GALNT13: variants seen among roughly 807,000 people sequenced by gnomAD.
GALNT13 encodes the protein polypeptide N-acetylgalactosaminyltransferase 13, also known as UDP-GalNAc:polypeptide N-acetylgalactosaminyltransferase 13.
In GALNT13, 28 loss-of-function variants were observed where a neutral mutation model predicts 64.2. The ratio of observed to expected loss-of-function variants is 0.44; its 90% CI spans 0.32 to 0.60. GALNT13 has a LOEUF of 0.60. Ranked by LOEUF, GALNT13 falls within the 20% of genes least tolerant of loss-of-function variation. The probability of loss-of-function intolerance (pLI) is 0.05; values close to 1 mark genes in which losing one functional copy is unlikely to be tolerated. For missense variants in GALNT13, 577 were observed against 669.8 expected, an observed-to-expected ratio of 0.86 and a Z score of 1.53; for synonymous variants, 214 against 224.6, an observed-to-expected ratio of 0.95 and a Z score of 0.42.
chr2:153,419,591 C>A, the GALNT13 span, among the ~76,000 whole-genome samples: 1 of 152,144 alleles, frequency 6.6e-6, no homozygotes, highest in Non-Finnish European at 1.5e-5. Context: ...TGTGATGGAA[C>A]TGTTTTGTAT....
At chr2:154,068,398 G>A (rs1700575676) in intron 3 of GALNT13, among the ~76,000 whole-genome samples, 1 of 151,966 alleles carries the variant, frequency 6.6e-6, no homozygotes, top group East Asian at 1.9e-4. Flanking sequence ...GTATGTCTAA[G>A]ATATAGACAT....
At chr2:153,630,336 A>G in the GALNT13 span, among the ~76,000 whole-genome samples, 1 of 152,034 alleles carries the variant, frequency 6.6e-6, no homozygotes, top group South Asian at 2.1e-4. Context: ...TGATGAGTTC[A>G]TGTCGTTTGT....
the GALNT13 span, among the ~76,000 whole-genome samples, chr2:153,677,039 A>G: frequency 6.6e-6 from 1 of 152,034 alleles, no homozygotes; most frequent in Non-Finnish European, 1.5e-5. Context: ...AAATCAGGCA[A>G]GATAAAGAAA....
chr2:153,112,395 G>A, the GALNT13 span, among the ~76,000 whole-genome samples: 15 of 151,972 alleles, frequency 9.9e-5, no homozygotes, highest in African/African-American at 3.6e-4. Context: ...TCTAATCTAG[G>A]TTCAGTATTA....
intron 3 of GALNT13, among the ~76,000 whole-genome samples, chr2:153,971,352 C>T (rs1396027045): frequency 4.6e-5 from 7 of 152,112 alleles, no homozygotes; most frequent in African/African-American, 1.7e-4. Context: ...TACTTATTTA[C>T]ATTCTTTCTT....
intron 3 of GALNT13, among the ~76,000 whole-genome samples, chr2:154,085,398 C>T (rs1465269331): frequency 6.6e-6 from 1 of 151,864 alleles, no homozygotes; most frequent in Non-Finnish European, 1.5e-5. Context: ...GTGCAGCTTA[C>T]CTTCACAAAA....
In GALNT13 at chr2:154,242,925, G is replaced by A. The variant is rs989923917; in HGVS notation, c.686+20G>A. The A allele has an allele frequency of 1.3e-6, 2 of 1,596,244 alleles. No individual in the cohort carries two copies. Among genetic ancestry groups the A allele is most frequent in the Non-Finnish European group, 1.7e-6 (2 of 1,164,686 alleles). On this transcript the variant is annotated intron_variant, in intron 6 of 12. Coordinates refer to ENST00000392825, the MANE Select transcript of GALNT13 (RefSeq NM_052917.4). The stretch of plus-strand genomic sequence containing the variant: ...AGACAGGTAAGAATTTATGTGTTCT[G>A]TCTGCCTGGGTTATGACTGAACCTC...
chr2:153,201,357 G>A, the GALNT13 span, among the ~76,000 whole-genome samples: 9 of 152,188 alleles, frequency 5.9e-5, no homozygotes, highest in African/African-American at 1.4e-4. Context: ...GTGTCCAAAA[G>A]TGAGGGCCTA....
chr2:154,145,064 CTCTCTCTCTATCTA>C (rs1220705632), intron 4 of GALNT13, among the ~76,000 whole-genome samples: 1 of 103,034 alleles, frequency 9.7e-6, no homozygotes, highest in African/African-American at 3.7e-5. Context: ...CTCTCTCTCT[CTCTCTCTCTATCTA>C]TCTATCTATC....
intron 2 of GALNT13, among the ~76,000 whole-genome samples, chr2:153,924,902 C>T (rs1690011840): frequency 6.6e-6 from 1 of 150,586 alleles, no homozygotes; most frequent in Admixed American, 6.6e-5. Flanking sequence ...TTTTTGATGC[C>T]ATTGTTTTTG....
chr2:153,417,675 CT>C, the GALNT13 span, among the ~76,000 whole-genome samples: 1 of 152,020 alleles, frequency 6.6e-6, no homozygotes, highest in African/African-American at 2.4e-5. Context: ...ATGAGAAATT[CT>C]TTTAGAGAAT....
At chr2:153,365,815 A>G in the GALNT13 span, among the ~76,000 whole-genome samples, 1 of 152,190 alleles carries the variant, frequency 6.6e-6, no homozygotes, top group Admixed American at 6.5e-5. Context: ...TAGTTCAACC[A>G]TTGTGGAAGA....
the GALNT13 span, among the ~76,000 whole-genome samples, chr2:153,502,249 C>T: frequency 3.3e-5 from 5 of 152,254 alleles, no homozygotes; most frequent in East Asian, 7.7e-4. Flanking sequence ...ACTCCCACCC[C>T]TTCCCCCAAG....
chr2:153,689,061 C>T, the GALNT13 span, among the ~76,000 whole-genome samples: 17 of 81,470 alleles, frequency 2.1e-4, no homozygotes, highest in South Asian at 6.0e-3. Flanking sequence ...ATTGCTAAAC[C>T]GCGTGTGTAT....
chr2:153,850,055 T>C, the GALNT13 span, among the ~76,000 whole-genome samples: 3 of 147,306 alleles, frequency 2.0e-5, no homozygotes, highest in East Asian at 4.0e-4. Context: ...GGCGGACACC[T>C]GTAGTCCCAG....
chr2:153,339,025 G>A, the GALNT13 span, among the ~76,000 whole-genome samples: 1 of 152,130 alleles, frequency 6.6e-6, no homozygotes, highest in Non-Finnish European at 1.5e-5. Context: ...TTCATCTGTT[G>A]ATGGACACTT....
chr2:153,563,462 C>A, the GALNT13 span, among the ~76,000 whole-genome samples: 2 of 151,950 alleles, frequency 1.3e-5, no homozygotes, highest in African/African-American at 4.8e-5. Flanking sequence ...GAGGTTTGGT[C>A]ACAATTCATT....
chr2:153,371,697 T>C, the GALNT13 span, among the ~76,000 whole-genome samples: 324 of 152,288 alleles, frequency 2.1e-3, 4 homozygotes, highest in Non-Finnish European at 1.5e-3. Flanking sequence ...GAAGGCTCAA[T>C]AGAGTTAAAA....
At chr2:153,857,248 G>A in the GALNT13 span, among the ~76,000 whole-genome samples, 1 of 152,068 alleles carries the variant, frequency 6.6e-6, no homozygotes, top group South Asian at 2.1e-4. Context: ...TTTTTTCAAT[G>A]CAGTGTGTTT....
Sources: allele counts gnomAD v4.1 joint callset (sites outside exome capture counted in the v4.1 genomes callset), GRCh38; gene constraint gnomAD v4.1.1; transcripts MANE v1.5; gene names NCBI Gene and HGNC (gene_info 2026-07-23, HGNC 2026-07-21).